Variants in SLC24A2 observed in about 807,000 individuals in gnomAD.
SLC24A2 encodes the protein sodium/potassium/calcium exchanger 2.
Under a neutral mutation model 62.0 loss-of-function variants are expected in SLC24A2, and 36 were observed. The observed-to-expected ratio is 0.58, with a 90% CI of 0.44 to 0.77. The LOEUF is 0.77. SLC24A2 is among the 30% of genes least tolerant of loss of function. The pLI is 0.00. For synonymous variants in SLC24A2, 358 were observed against 294.0 expected (o/e 1.22, Z -2.23); for missense variants, 846 against 817.9 (o/e 1.03, Z -0.42).
chr9:20,002,321 A>G, the SLC24A2 span, among the ~76,000 whole-genome samples: 3 of 151,062 alleles, frequency 2.0e-5, no homozygotes, highest in African/African-American at 7.3e-5. Context: ...TAGAAAAATG[A>G]TTAGCACTTT....
intron 2 of SLC24A2, among the ~76,000 whole-genome samples, chr9:19,645,154 C>T (rs1341194490): frequency 2.0e-5 from 3 of 152,150 alleles, no homozygotes; most frequent in Non-Finnish European, 4.4e-5. Context: ...GGGCAAGTTA[C>T]TAAGGACATA....
chr9:20,261,473 C>T, the SLC24A2 span, among the ~76,000 whole-genome samples: 4 of 152,016 alleles, frequency 2.6e-5, no homozygotes, highest in Admixed American at 6.5e-5. Context: ...AGCCCACTCT[C>T]TCCAAAACTA....
At chr9:19,566,315 A>G (rs199971417) in intron 7 of SLC24A2, among the ~76,000 whole-genome samples, 3 of 149,564 alleles carry the variant, frequency 2.0e-5, no homozygotes, top group Non-Finnish European at 3.0e-5. Context: ...ATGAACAGAC[A>G]CTTCTCAAAA....
the SLC24A2 span, among the ~76,000 whole-genome samples, chr9:20,254,238 T>G: frequency 6.6e-6 from 1 of 152,226 alleles, no homozygotes; most frequent in Non-Finnish European, 1.5e-5. Flanking sequence ...GAGCTCTGGC[T>G]CTATTATGCC....
the SLC24A2 span, among the ~76,000 whole-genome samples, chr9:19,885,492 G>A: frequency 3.9e-5 from 6 of 152,262 alleles, no homozygotes; most frequent in East Asian, 1.9e-4. Context: ...ATGAAAGTTC[G>A]TTCTTATCCT....
intron 4 of SLC24A2, among the ~76,000 whole-genome samples, chr9:19,603,605 T>C (rs1283650273): frequency 1.3e-5 from 2 of 152,154 alleles, no homozygotes; most frequent in Admixed American, 1.3e-4. Context: ...CAATTCTGTC[T>C]TTTCTGCTCC....
chr9:20,199,467 G>T, the SLC24A2 span, among the ~76,000 whole-genome samples: 3 of 152,166 alleles, frequency 2.0e-5, no homozygotes, highest in Admixed American at 6.5e-5. Context: ...TCTGGGGGGT[G>T]TCCTAATTCT....
chr9:20,132,989 C>T, the SLC24A2 span, among the ~76,000 whole-genome samples: 1 of 151,834 alleles, frequency 6.6e-6, no homozygotes, highest in Non-Finnish European at 1.5e-5. Flanking sequence ...GGCTGCAGTC[C>T]CCCAGTTAAT....
At chr9:20,024,145 C>T in the SLC24A2 span, among the ~76,000 whole-genome samples, 2 of 152,170 alleles carry the variant, frequency 1.3e-5, no homozygotes, top group African/African-American at 4.8e-5. Flanking sequence ...TCTCATTTAT[C>T]ATCCTGGGGT....
the SLC24A2 span, among the ~76,000 whole-genome samples, chr9:20,227,343 G>A: frequency 6.6e-6 from 1 of 152,022 alleles, no homozygotes; most frequent in Non-Finnish European, 1.5e-5. Flanking sequence ...CCATGATCCT[G>A]TACTAACTTG....
the SLC24A2 span, among the ~76,000 whole-genome samples, chr9:19,846,401 A>G: frequency 2.6e-5 from 4 of 152,190 alleles, no homozygotes; most frequent in Admixed American, 1.3e-4. Flanking sequence ...AACTGATACA[A>G]TAATAAGGAC....
chr9:20,235,574 T>G, the SLC24A2 span, among the ~76,000 whole-genome samples: 1 of 152,166 alleles, frequency 6.6e-6, no homozygotes, highest in East Asian at 1.9e-4. Context: ...TTTAATCCCA[T>G]TGGAAAAGTG....
At chr9:20,088,364 C>T in the SLC24A2 span, among the ~76,000 whole-genome samples, 844 of 152,190 alleles carry the variant, frequency 5.5e-3, 9 homozygotes, top group African/African-American at 0.019. Context: ...TGCCTTTGGG[C>T]TCTAGAGAAT....
chr9:19,570,235 G>C (rs907858243), intron 7 of SLC24A2, among the ~76,000 whole-genome samples: 5 of 152,210 alleles, frequency 3.3e-5, no homozygotes, highest in Admixed American at 2.0e-4. Context: ...TTAGGCTCCA[G>C]TTCTATCCTC....
the SLC24A2 span, among the ~76,000 whole-genome samples, chr9:20,211,813 C>G: frequency 5.3e-5 from 8 of 151,900 alleles, no homozygotes; most frequent in Non-Finnish European, 1.2e-4. Flanking sequence ...TAAGGAGTCT[C>G]AAAATATTTG....
the SLC24A2 span, among the ~76,000 whole-genome samples, chr9:20,163,008 A>C: frequency 2.2e-4 from 33 of 152,230 alleles, no homozygotes; most frequent in South Asian, 6.8e-3. Flanking sequence ...TCTATGACAA[A>C]CTCACAGCCA....
chr9:20,087,013 T>A, the SLC24A2 span, among the ~76,000 whole-genome samples: 1 of 152,186 alleles, frequency 6.6e-6, no homozygotes, highest in African/African-American at 2.4e-5. Flanking sequence ...ACTCAGATAC[T>A]TCAAAGGTGG....
At chr9:20,069,526 A>C in the SLC24A2 span, among the ~76,000 whole-genome samples, 1 of 152,212 alleles carries the variant, frequency 6.6e-6, no homozygotes, top group African/African-American at 2.4e-5. Context: ...AGGTCAACAA[A>C]CAGAACATTG....
At chr9:20,144,009 A>G in the SLC24A2 span, among the ~76,000 whole-genome samples, 3 of 152,224 alleles carry the variant, frequency 2.0e-5, no homozygotes, top group East Asian at 5.8e-4. Context: ...CCTCTACAAG[A>G]CAGGGGTAAG....
Sources: allele counts gnomAD v4.1 joint callset (sites outside exome capture counted in the v4.1 genomes callset), GRCh38; gene constraint gnomAD v4.1.1; transcripts MANE v1.5; gene names NCBI Gene and HGNC (gene_info 2026-07-23, HGNC 2026-07-21).